The following DOCK4 variants were observed in gnomAD, a reference collection of about 807,000 sequenced individuals.
The protein encoded by DOCK4 is dedicator of cytokinesis protein 4.
In DOCK4, 97 loss-of-function variants were observed where a neutral mutation model predicts 268.1. The ratio of observed to expected loss-of-function variants is 0.36; its 90% CI spans 0.31 to 0.43. The LOEUF is 0.43. DOCK4 is among the 20% of genes least tolerant of loss of function. DOCK4 has a pLI of 1.00. For synonymous variants in DOCK4, 954 were observed against 887.2 expected (o/e 1.08, Z -1.34); for missense variants, 2,145 against 2,455.7 (o/e 0.87, Z 2.67).
chr7:111,761,307 G>A (rs1797391510), intron 39 of DOCK4, among the ~76,000 whole-genome samples: 1 of 152,130 alleles, frequency 6.6e-6, no homozygotes, highest in African/African-American at 2.4e-5. Context: ...TGATCTGCCT[G>A]TCTCGGCCTC....
intron 1 of DOCK4, among the ~76,000 whole-genome samples, chr7:112,105,827 T>C (rs1811100115): frequency 6.6e-6 from 1 of 151,946 alleles, no homozygotes; most frequent in South Asian, 2.1e-4. Context: ...TAGCTGGGAC[T>C]ATAGGCATAA....
intron 1 of DOCK4, among the ~76,000 whole-genome samples, chr7:112,011,325 G>A (rs1314147789): frequency 2.6e-5 from 4 of 152,342 alleles, no homozygotes; most frequent in South Asian, 2.1e-4. Flanking sequence ...CTCAGGGTCT[G>A]CTTCCTGAGG....
chr7:112,138,531 C>T (rs13232973), intron 1 of DOCK4, among the ~76,000 whole-genome samples: 16,235 of 152,110 alleles, frequency 0.11, 1,196 homozygotes, highest in Middle Eastern at 0.21. Context: ...CATGTTGAGA[C>T]GAAGTATGAA....
chr7:111,734,332 G>A (rs1386379666), intron 51 of DOCK4, among the ~76,000 whole-genome samples: 2 of 152,104 alleles, frequency 1.3e-5, no homozygotes, highest in Admixed American at 1.3e-4. Context: ...GACTACAGGT[G>A]TGTACCACCA....
intron 17 of DOCK4, among the ~76,000 whole-genome samples, chr7:111,875,859 T>G (rs1463849213): frequency 6.6e-6 from 1 of 152,224 alleles, no homozygotes; most frequent in Non-Finnish European, 1.5e-5. Flanking sequence ...TTTAAGCCAG[T>G]AAGTTTGTGG....
chr7:111,916,994 T>G (rs1156870677), intron 12 of DOCK4, among the ~76,000 whole-genome samples: 103 of 143,106 alleles, frequency 7.2e-4, no homozygotes, highest in African/African-American at 2.7e-3. Flanking sequence ...TTTTTTTTTT[T>G]TTTTTTTTTT....
At chr7:112,042,472 A>G (rs2135513725) in intron 1 of DOCK4, among the ~76,000 whole-genome samples, 1 of 152,336 alleles carries the variant, frequency 6.6e-6, no homozygotes, top group East Asian at 1.9e-4. Context: ...AGCAAAGGTT[A>G]ATAAAAGTCT....
At chr7:111,882,578 T>A (rs970197187) in intron 16 of DOCK4, among the ~76,000 whole-genome samples, 1 of 152,212 alleles carries the variant, frequency 6.6e-6, no homozygotes, top group African/African-American at 2.4e-5. Flanking sequence ...ATAGAATCCC[T>A]TTAGTGTTCT....
intron 2 of DOCK4, among the ~76,000 whole-genome samples, chr7:112,001,029 C>T (rs1170122649): frequency 1.3e-5 from 2 of 152,198 alleles, no homozygotes; most frequent in East Asian, 1.9e-4. Context: ...ACAGTCATGA[C>T]GTGAATTGCA....
At chr7:111,938,752 G>C (rs770754712) in intron 11 of DOCK4, among the ~76,000 whole-genome samples, 3 of 152,038 alleles carry the variant, frequency 2.0e-5, no homozygotes, top group Non-Finnish European at 2.9e-5. Context: ...TCTTTACAGA[G>C]ATAATCATAT....
intron 5 of DOCK4, among the ~76,000 whole-genome samples, chr7:111,992,475 T>A (rs546899034): frequency 6.6e-6 from 1 of 152,202 alleles, no homozygotes; most frequent in African/African-American, 2.4e-5. Flanking sequence ...TTAATATTTG[T>A]TTCTAATGGC....
At chr7:111,961,283 T>C (rs898894034) in intron 8 of DOCK4, among the ~76,000 whole-genome samples, 1 of 152,196 alleles carries the variant, frequency 6.6e-6, no homozygotes, top group Non-Finnish European at 1.5e-5. Flanking sequence ...AAAAGAAGTG[T>C]CCTTCCTCTT....
At position 111,977,260 on chromosome 7, in the gene DOCK4, T is replaced by C; in HGVS notation, c.573A>G (p.Lys191=). 6.2e-7 allele frequency: 1 copy of C among 1,604,138 alleles called. No homozygotes were observed. The highest frequency in any genetic ancestry group is 8.5e-7 in the Non-Finnish European group (1 of 1,175,168). ...GACTGCTGGCCTGCACCGGGGTGTCTTTCTTCCGATGTCGATGTTCCATCT... is the reference window on the plus strand; with the variant it reads ...GACTGCTGGCCTGCACCGGGGTGTCCTTCTTCCGATGTCGATGTTCCATCT... The part of the protein sequence containing the change: ...YRLMEHRHRK[K]DTPVQASSHH... Residue 191 remains lysine, a synonymous_variant, in exon 8 of 53, where the codon AAA becomes AAG. Coordinates refer to ENST00000428084, the MANE Select transcript of DOCK4 (RefSeq NM_001363540.2).
intron 1 of DOCK4, among the ~76,000 whole-genome samples, chr7:112,049,177 G>T (rs912516365): frequency 3.9e-5 from 6 of 152,106 alleles, no homozygotes; most frequent in Admixed American, 6.5e-5. Context: ...TCAATTGACT[G>T]TTCTAACAAA....
chr7:112,062,292 A>G (rs191911408), intron 1 of DOCK4, among the ~76,000 whole-genome samples: 35 of 152,322 alleles, frequency 2.3e-4, no homozygotes, highest in African/African-American at 7.9e-4. Context: ...AGCGATTTTC[A>G]CTTTGTGTAA....
chr7:112,078,367 T>C (rs1332706693), intron 1 of DOCK4, among the ~76,000 whole-genome samples: 1 of 152,156 alleles, frequency 6.6e-6, no homozygotes, highest in African/African-American at 2.4e-5. Flanking sequence ...ATACAAATGG[T>C]TTACAATTCC....
chr7:111,828,259 T>C (rs1278986148), intron 26 of DOCK4, among the ~76,000 whole-genome samples: 1 of 152,184 alleles, frequency 6.6e-6, no homozygotes, highest in Non-Finnish European at 1.5e-5. Flanking sequence ...CATACTTGTG[T>C]TCTGATACTG....
At chr7:111,986,132 G>A (rs915560014) in intron 6 of DOCK4, among the ~76,000 whole-genome samples, 2 of 152,136 alleles carry the variant, frequency 1.3e-5, no homozygotes, top group African/African-American at 4.8e-5. Context: ...CCAAAGACTG[G>A]CCAGCAGCTT....
rs200920521 is a variant in DOCK4 at position 111,935,168 on chromosome 7, G to C, written c.1066+372C>G. Among the ~76,000 whole-genome samples the C allele has an allele frequency of 2.0e-5, 3 of 151,040 alleles. No homozygotes were observed. In the East Asian group the frequency reaches 6.0e-4, roughly 30 times the overall value. On this transcript the variant is annotated intron_variant, in intron 12 of 52. Coordinates refer to ENST00000428084, the MANE Select transcript of DOCK4 (RefSeq NM_001363540.2). ...TCACTGTGTTGGCCAGGTTGGTCTC[G>C]AACTCCTGACTTCAGGTGATCCACT... is the stretch of plus-strand genomic sequence containing the variant.
Sources: allele counts gnomAD v4.1 joint callset (sites outside exome capture counted in the v4.1 genomes callset), GRCh38; gene constraint gnomAD v4.1.1; transcripts MANE v1.5; gene names NCBI Gene and HGNC (gene_info 2026-07-23, HGNC 2026-07-21).